SLCO6A1: variants seen among roughly 807,000 people sequenced by gnomAD.
SLCO6A1 encodes solute carrier organic anion transporter family member 6A1.
Under a neutral mutation model 72.7 loss-of-function variants are expected in SLCO6A1, and 65 were observed. That is an observed-to-expected ratio of 0.89 (90% confidence interval 0.73 to 1.10). SLCO6A1 has a LOEUF of 1.10. Among genes scored for constraint, SLCO6A1 ranks in the 50% least tolerant of loss-of-function variants. The pLI, the probability that SLCO6A1 is intolerant of heterozygous loss-of-function variation, is 0.00. For missense variants in SLCO6A1, 874 were observed against 872.6 expected (o/e 1.00, Z -0.02); for synonymous variants, 314 against 298.2 (o/e 1.05, Z -0.55).
intron 4 of SLCO6A1, among the ~76,000 whole-genome samples, chr5:102,465,179 T>C (rs770208764): frequency 3.9e-5 from 6 of 152,158 alleles, no homozygotes; most frequent in Non-Finnish European, 5.9e-5. Context: ...ATCACTCCCA[T>C]ATATAACAAA....
At chr5:102,392,840 A>G (rs1162386251) in intron 10 of SLCO6A1, among the ~76,000 whole-genome samples, 1 of 151,992 alleles carries the variant, frequency 6.6e-6, no homozygotes, top group Non-Finnish European at 1.5e-5. Flanking sequence ...CTAAATTTAT[A>G]TTTTTAATCC....
chr5:102,437,755 T>C (rs567435815), intron 7 of SLCO6A1, among the ~76,000 whole-genome samples: 4 of 152,166 alleles, frequency 2.6e-5, no homozygotes, highest in African/African-American at 4.8e-5. Context: ...TTTTGTTTTC[T>C]GTCATTCCTT....
chr5:102,473,640 A>T (rs992574232), intron 4 of SLCO6A1, among the ~76,000 whole-genome samples: 1 of 152,056 alleles, frequency 6.6e-6, no homozygotes, highest in Admixed American at 6.6e-5. Flanking sequence ...AAAGAAATAA[A>T]AGGCATCCAA....
At chr5:102,387,514 C>T (rs1260360599) in intron 12 of SLCO6A1, among the ~76,000 whole-genome samples, 1 of 151,994 alleles carries the variant, frequency 6.6e-6, no homozygotes, top group African/African-American at 2.4e-5. Flanking sequence ...TGTTGAATTG[C>T]CTCTAACAAG....
At chr5:102,429,445 T>C (rs756010518) in intron 7 of SLCO6A1, among the ~76,000 whole-genome samples, 19 of 152,192 alleles carry the variant, frequency 1.2e-4, no homozygotes, top group Non-Finnish European at 2.4e-4. Flanking sequence ...GGGTTTTACA[T>C]TTAAGTCTTT....
At chr5:102,385,671 T>G (rs1386148284) in intron 12 of SLCO6A1, among the ~76,000 whole-genome samples, 6 of 152,224 alleles carry the variant, frequency 3.9e-5, no homozygotes, top group Admixed American at 3.9e-4. Context: ...GGCTTGTATC[T>G]CTATTGTATT....
rs138593658 is a variant in SLCO6A1, at chr5:102,372,043, G to C, written c.*96C>G. The C allele has an allele frequency of 5.2e-3, 784 of 152,082 alleles. 8 individuals carry two copies. Among genetic ancestry groups the C allele is most frequent in the African/African-American group, 0.018 (757 of 41,536 alleles). The allele number at this position is 152,082 out of a possible 1,614,324, so 9.4% of individuals were successfully genotyped here. A position where few individuals can be genotyped will look rare whatever the true frequency, so the allele number is the denominator to read the frequency against. Reference sequence around the variant, plus strand: ...AATGTGTGATTTTCCTCTTCTGAAAGTTGGGCACAGAAACAAATCTTGGAG... The same window carrying C: ...AATGTGTGATTTTCCTCTTCTGAAACTTGGGCACAGAAACAAATCTTGGAG... On this transcript the variant is annotated 3_prime_UTR_variant, in exon 14 of 14. Coordinates refer to ENST00000506729, the MANE Select transcript of SLCO6A1 (RefSeq NM_173488.5).
chr5:102,372,365 G>C (rs141605988), intron 13 of SLCO6A1, among the ~76,000 whole-genome samples: 1 of 152,034 alleles, frequency 6.6e-6, no homozygotes, highest in African/African-American at 2.4e-5. Flanking sequence ...AATTTTGTCA[G>C]CTATTATCAC....
intron 11 of SLCO6A1, 88 bp downstream of exon 11, chr5:102,390,893 A>T: frequency 9.0e-7 from 1 of 1,114,282 alleles, no homozygotes; most frequent in South Asian, 1.5e-5. Context: ...ATTTACTATT[A>T]TTTATTTGTA....
At chr5:102,386,287 A>T (rs1297792350) in intron 12 of SLCO6A1, among the ~76,000 whole-genome samples, 1 of 152,044 alleles carries the variant, frequency 6.6e-6, no homozygotes, top group Non-Finnish European at 1.5e-5. Flanking sequence ...AGCCCATGAG[A>T]GTAGGCCTGG....
At position 102,391,012 on chromosome 5, in the gene SLCO6A1, C is replaced by T. The variant is rs759120052; in HGVS notation, c.1848G>A (p.Leu616=). 25 of 1,613,460 alleles carry T rather than the reference C, an allele frequency of 1.5e-5. No homozygotes were observed. Among genetic ancestry groups the T allele is most frequent in the Non-Finnish European group, 1.7e-5 (20 of 1,179,644 alleles). Residue 616 remains leucine (L), a synonymous_variant, in exon 11 of 14, where the codon TTG becomes TTA. Coordinates refer to ENST00000506729, the MANE Select transcript of SLCO6A1 (RefSeq NM_173488.5). ...TTCTCAAAATCACATAGCTTACACCCAAGGCCAGAGAACGCAGTTTGTCAG... is the reference window on the plus strand; with the variant it reads ...TTCTCAAAATCACATAGCTTACACCTAAGGCCAGAGAACGCAGTTTGTCAG... ...VVPDKLRSLA[L]GVSYVILRIF...
At chr5:102,412,778 C>CAA (rs11321222) in intron 9 of SLCO6A1, among the ~76,000 whole-genome samples, 2 of 115,218 alleles carry the variant, frequency 1.7e-5, no homozygotes. Flanking sequence ...AAACACACAC[C>CAA]AAAAAAAAAA....
chr5:102,464,590 A>G (rs935865224), intron 4 of SLCO6A1, among the ~76,000 whole-genome samples: 1 of 152,158 alleles, frequency 6.6e-6, no homozygotes, highest in Non-Finnish European at 1.5e-5. Context: ...GGGTCTTGCA[A>G]CAGAAGAGAG....
At chr5:102,399,151 C>T (rs1031700534) in intron 10 of SLCO6A1, among the ~76,000 whole-genome samples, 2 of 151,924 alleles carry the variant, frequency 1.3e-5, no homozygotes, top group African/African-American at 4.8e-5. Context: ...TTATTATGCT[C>T]CTTTGTTGAT....
At chr5:102,418,123 C>A (rs1273091889) in intron 8 of SLCO6A1, among the ~76,000 whole-genome samples, 1 of 151,638 alleles carries the variant, frequency 6.6e-6, no homozygotes, top group Admixed American at 6.6e-5. Context: ...ATTCCACTGT[C>A]TTCTTACCTG....
At chr5:102,461,631 G>A (rs530305867) in intron 4 of SLCO6A1, among the ~76,000 whole-genome samples, 3 of 152,164 alleles carry the variant, frequency 2.0e-5, no homozygotes, top group South Asian at 4.1e-4. Flanking sequence ...GGTAACTTTA[G>A]TTTATGATGA....
intron 12 of SLCO6A1, among the ~76,000 whole-genome samples, chr5:102,378,007 T>C (rs1745899944): frequency 6.6e-6 from 1 of 151,526 alleles, no homozygotes; most frequent in African/African-American, 2.4e-5. Context: ...TGAATATTTA[T>C]ATAATTTCAA....
intron 4 of SLCO6A1, among the ~76,000 whole-genome samples, chr5:102,466,721 G>A (rs1193669410): frequency 6.6e-6 from 1 of 151,974 alleles, no homozygotes; most frequent in Non-Finnish European, 1.5e-5. Flanking sequence ...TGTGACTTAT[G>A]TGAAATAGTA....
At chr5:102,411,454 A>G (rs1355203143) in intron 9 of SLCO6A1, among the ~76,000 whole-genome samples, 1 of 152,056 alleles carries the variant, frequency 6.6e-6, no homozygotes, top group Non-Finnish European at 1.5e-5. Context: ...TTGTAGAGAC[A>G]GGGTTTCGCC....
Sources: gnomAD v4.1 joint callset for allele counts (sites outside exome capture counted in the v4.1 genomes callset) on GRCh38, gnomAD v4.1.1 for gene constraint, MANE v1.5 for transcripts, NCBI Gene and HGNC (gene_info 2026-07-23, HGNC 2026-07-21) for gene names.